RAD54B: variants seen among roughly 807,000 people sequenced by gnomAD.
The protein encoded by RAD54B is DNA repair and recombination protein RAD54B.
RAD54B carries 78 observed loss-of-function variants against 95.8 expected under a neutral mutation model. The observed-to-expected ratio is 0.81, with a 90% confidence interval of 0.68 to 0.98. RAD54B has a LOEUF of 0.98. RAD54B is among the 50% of genes least tolerant of loss of function. The pLI, the probability that RAD54B is intolerant of heterozygous loss-of-function variation, is 0.00. For missense variants in RAD54B, 957 were observed against 1,056.6 expected (o/e 0.91, Z 1.31); for synonymous variants, 328 against 354.9 (o/e 0.92, Z 0.85).
Position 94,399,473 on chromosome 8 carries a change from G to A in RAD54B, c.1319C>T (p.Ala440Val). 6.2e-7 allele frequency: 1 copy of A among 1,613,484 alleles called. No individual in the cohort carries two copies. Among genetic ancestry groups the A allele is most frequent in the Non-Finnish European group, 8.5e-7 (1 of 1,179,640 alleles). The change falls in exon 8 of 15, where the codon GCC becomes GTC. Residue 440 changes from alanine to valine, a missense_variant. Ala to Val is a moderately conservative substitution (Grantham distance 64, BLOSUM62 0). Coordinates refer to ENST00000336148, the MANE Select transcript of RAD54B (RefSeq NM_012415.3). ...CDEGHRLKNS[A>V]IKTTTALISL... is the part of the protein sequence containing the mutation. ...AATGAGGGCTGTAGTTGTCTTAATG[G>A]CACTGTTCTTCAAACGATGCCCCTC...
chr8:94,433,350 A>C (rs1482255831), intron 3 of RAD54B, among the ~76,000 whole-genome samples: 1 of 152,072 alleles, frequency 6.6e-6, no homozygotes, highest in African/African-American at 2.4e-5. Flanking sequence ...AAAGTTCACA[A>C]GAGCAATGGT....
chr8:94,380,451 C>A, intron 11 of RAD54B, 45 bp from the exon 12 acceptor site: 1 of 1,535,184 alleles, frequency 6.5e-7, no homozygotes, highest in Non-Finnish European at 8.8e-7. Context: ...TTAAAGGCAG[C>A]ATTAGATTTT....
chr8:94,400,995 C>T (rs1031160558), intron 6 of RAD54B, among the ~76,000 whole-genome samples: 2 of 152,062 alleles, frequency 1.3e-5, no homozygotes, highest in Non-Finnish European at 2.9e-5. Context: ...AAGTTGTTAT[C>T]CTACAGACCT....
chr8:94,404,302 G>C (rs1811333841), intron 5 of RAD54B, 63 bp from the exon 6 acceptor site: 2 of 1,384,866 alleles, frequency 1.4e-6, no homozygotes, highest in Non-Finnish European at 1.9e-6. Flanking sequence ...ACATTATCTT[G>C]TTTTCATTAC....
chr8:94,431,732 T>C (rs1812101227), intron 3 of RAD54B: 8 of 987,468 alleles, frequency 8.1e-6, no homozygotes, highest in Non-Finnish European at 8.4e-6. Context: ...TTCTTGGTAT[T>C]AGGTTAGTAT....
In RAD54B at chr8:94,372,293, C is replaced by A. The variant is rs1038352993; in HGVS notation, c.2610G>T (p.Gln870His). Residue 870 changes from glutamine to histidine, a missense_variant, in exon 15 of 15, where the codon CAG (glutamine) becomes CAT (histidine). Gln to His is a conservative substitution (Grantham distance 24, BLOSUM62 0). Coordinates refer to ENST00000336148, the MANE Select transcript of RAD54B (RefSeq NM_012415.3). ...CAGAAAAATGTTTCCATTGCTTCAG[C>A]TGGGACATAGAAAGAGGTTTCAGGG... is the stretch of plus-strand genomic sequence containing the variant. ...SNSLKPLSMS[Q>H]LKQWKHFSGD... 16 of 1,613,632 alleles carry A rather than the reference C, an allele frequency of 9.9e-6. No individual in the cohort carries two copies. The highest frequency in any genetic ancestry group is 1.4e-5 in the Non-Finnish European group (16 of 1,179,886).
rs532921992 is a variant in RAD54B, at chr8:94,372,394, T to C, written c.2516-7A>G. ...AATTTTTCCAACGAATCACCTGTAA[T>C]AAGTAAAACAATGAGAAAATCCTTA... On this transcript the variant is annotated splice_region_variant and splice_polypyrimidine_tract_variant and intron_variant, in intron 14 of 14. Transcript: ENST00000336148. 7 of 1,610,166 alleles carry C rather than the reference T, an allele frequency of 4.3e-6. No homozygotes were observed. The highest frequency in any genetic ancestry group is 1.3e-5 in the African/African-American group (1 of 74,746).
chr8:94,467,621 T>C (rs1813061756), intron 1 of RAD54B, 66 bp from the exon 2 acceptor site: 14 of 1,473,600 alleles, frequency 9.5e-6, no homozygotes, highest in African/African-American at 1.4e-5. Flanking sequence ...AATATAAAAA[T>C]AGCTCAAAAC....
chr8:94,400,543 G>C (rs1811245707), intron 6 of RAD54B, 80 bp from the exon 7 acceptor site: 1 of 1,186,130 alleles, frequency 8.4e-7, no homozygotes, highest in East Asian at 2.6e-5. Context: ...ACCAGAAACT[G>C]ATATTTTGTA....
chr8:94,410,793 A>C (rs530099291), intron 4 of RAD54B, among the ~76,000 whole-genome samples: 7 of 152,202 alleles, frequency 4.6e-5, no homozygotes, highest in Admixed American at 1.3e-4. Flanking sequence ...CATTCTTAAA[A>C]AGAGAGAGAG....
intron 3 of RAD54B, among the ~76,000 whole-genome samples, chr8:94,427,452 G>A (rs556371465): frequency 1.3e-5 from 2 of 151,954 alleles, no homozygotes; most frequent in East Asian, 3.9e-4. Context: ...ACTTACTCTT[G>A]TTTAAGTATG....
intron 8 of RAD54B, among the ~76,000 whole-genome samples, chr8:94,396,239 TA>T (rs1444770958): frequency 2.0e-5 from 3 of 150,362 alleles, no homozygotes; most frequent in African/African-American, 4.9e-5. Flanking sequence ...AATTCTAGAC[TA>T]GGTAAAACCT....
chr8:94,388,864 G>A (rs572972018), intron 10 of RAD54B, among the ~76,000 whole-genome samples: 2 of 152,278 alleles, frequency 1.3e-5, no homozygotes, highest in East Asian at 3.9e-4. Flanking sequence ...AAGGACCACA[G>A]GCCCAGGGTC....
At chr8:94,420,390 G>A (rs1285136464) in intron 3 of RAD54B, among the ~76,000 whole-genome samples, 2 of 150,772 alleles carry the variant, frequency 1.3e-5, no homozygotes, top group East Asian at 1.9e-4. Flanking sequence ...TGAGTAGCTG[G>A]GACTACAGGC....
At chr8:94,443,427 A>G (rs192769822) in intron 3 of RAD54B, among the ~76,000 whole-genome samples, 1 of 152,280 alleles carries the variant, frequency 6.6e-6, no homozygotes, top group East Asian at 1.9e-4. Flanking sequence ...CTACCTATGT[A>G]ACAAACCTGC....
intron 12 of RAD54B, among the ~76,000 whole-genome samples, chr8:94,379,868 T>C (rs1455895283): frequency 6.6e-6 from 1 of 152,220 alleles, no homozygotes; most frequent in East Asian, 1.9e-4. Flanking sequence ...CCTGGAGACA[T>C]ACAGGTTTAG....
chr8:94,406,869 T>G (rs1811400413), intron 5 of RAD54B, among the ~76,000 whole-genome samples: 1 of 152,172 alleles, frequency 6.6e-6, no homozygotes, highest in East Asian at 1.9e-4. Flanking sequence ...AAGAAATACC[T>G]GCTGAGTGAA....
At chr8:94,454,137 C>T (rs1246551521) in intron 3 of RAD54B, among the ~76,000 whole-genome samples, 1 of 148,472 alleles carries the variant, frequency 6.7e-6, no homozygotes, top group Non-Finnish European at 1.5e-5. Flanking sequence ...TTACCATGTG[C>T]GTGCATTACC....
chr8:94,384,198 C>T (rs1810813096), intron 11 of RAD54B, among the ~76,000 whole-genome samples: 1 of 123,728 alleles, frequency 8.1e-6, no homozygotes. Flanking sequence ...TTTGCACACC[C>T]ATGTTCACAG....
Sources: gnomAD v4.1 joint callset for allele counts (sites outside exome capture counted in the v4.1 genomes callset) on GRCh38, gnomAD v4.1.1 for gene constraint, MANE v1.5 for transcripts, NCBI Gene and HGNC (gene_info 2026-07-23, HGNC 2026-07-21) for gene names.